The following UNC5C variants were observed in gnomAD, a reference collection of about 807,000 sequenced individuals.
UNC5C encodes netrin receptor UNC5C.
A neutral mutation model predicts 99.8 loss-of-function variants in UNC5C; 47 were observed. The observed-to-expected ratio is 0.47, with a 90% CI of 0.37 to 0.60. The LOEUF is 0.60. UNC5C is among the 20% of genes least tolerant of loss of function. UNC5C has a pLI of 0.00. For synonymous variants in UNC5C, 487 were observed against 452.2 expected (o/e 1.08, Z -0.98); for missense variants, 1,062 against 1,165.9 (o/e 0.91, Z 1.30).
chr4:95,285,837 T>A (rs931165243), intron 3 of UNC5C, among the ~76,000 whole-genome samples: 3 of 152,198 alleles, frequency 2.0e-5, no homozygotes, highest in African/African-American at 7.2e-5. Context: ...TAGTGGATCA[T>A]GATATCAACC....
At chr4:95,510,210 A>T (rs920197712) in intron 1 of UNC5C, among the ~76,000 whole-genome samples, 1 of 151,724 alleles carries the variant, frequency 6.6e-6, no homozygotes, top group Non-Finnish European at 1.5e-5. Context: ...TTTATTAGAC[A>T]TATGTTTATT....
intron 1 of UNC5C, among the ~76,000 whole-genome samples, chr4:95,354,479 A>ATATTTTTTTTT: frequency 9.1e-6 from 1 of 110,348 alleles, no homozygotes; most frequent in Non-Finnish European, 1.8e-5. Context: ...ATATATATAT[A>ATATTTTTTTTT]TTTTTTTTTT....
intron 12 of UNC5C, among the ~76,000 whole-genome samples, chr4:95,186,569 T>A (rs1242824929): frequency 2.0e-5 from 3 of 152,200 alleles, no homozygotes; most frequent in Non-Finnish European, 4.4e-5. Flanking sequence ...TCTGTCATCT[T>A]TTGGTGAGGC....
At chr4:95,270,158 C>T (rs534164425) in intron 4 of UNC5C, among the ~76,000 whole-genome samples, 158 of 152,308 alleles carry the variant, frequency 1.0e-3, no homozygotes, top group African/African-American at 3.7e-3. Context: ...ATCTCACCTT[C>T]CCTTGTAGGT....
At position 95,163,825 on chromosome 4, in the gene UNC5C, A is replaced by C. The variant is rs1346160442; in HGVS notation, c.*5409T>G. ...GATTCCCAACCTGGGATTCCAGAAG[A>C]TCTCTGGACAGGTCCCTTCAGTAGG... is the stretch of plus-strand genomic sequence containing the variant. On this transcript the variant is annotated 3_prime_UTR_variant, in exon 16 of 16. Transcript: ENST00000453304. 6.6e-6 allele frequency: 1 copy of C among 152,098 alleles called. No individual in the cohort carries two copies. Among genetic ancestry groups the C allele is most frequent in the East Asian group, 1.9e-4 (1 of 5,196 alleles). The allele number at this position is 152,098 out of a possible 1,614,324, so 9.4% of individuals were successfully genotyped here. A position where few individuals can be genotyped will look rare whatever the true frequency, so the allele number is the denominator to read the frequency against.
chr4:95,385,498 T>C (rs2149443329), intron 1 of UNC5C, among the ~76,000 whole-genome samples: 1 of 152,308 alleles, frequency 6.6e-6, no homozygotes, highest in Admixed American at 6.5e-5. Flanking sequence ...ATTCCAAGAT[T>C]CTACAATTAA....
chr4:95,439,089 T>C (rs570833462), intron 1 of UNC5C, among the ~76,000 whole-genome samples: 7 of 152,270 alleles, frequency 4.6e-5, no homozygotes, highest in African/African-American at 1.7e-4. Flanking sequence ...CCCTGTCATG[T>C]AGCAGGAAAA....
intron 4 of UNC5C, among the ~76,000 whole-genome samples, chr4:95,267,304 G>A (rs560622067): frequency 1.3e-5 from 2 of 152,178 alleles, no homozygotes; most frequent in Non-Finnish European, 2.9e-5. Flanking sequence ...TCTGACACTA[G>A]GAGTAGTAAT....
intron 1 of UNC5C, 51 bp from the exon 2 acceptor site, chr4:95,335,682 C>G: frequency 6.9e-7 from 1 of 1,441,364 alleles, no homozygotes; most frequent in Non-Finnish European, 9.4e-7. Flanking sequence ...TAACAACTTG[C>G]CTTCTACTTG....
chr4:95,379,749 C>T (rs1357605365), intron 1 of UNC5C, among the ~76,000 whole-genome samples: 1 of 152,106 alleles, frequency 6.6e-6, no homozygotes, highest in Non-Finnish European at 1.5e-5. Context: ...GGTAGATCAG[C>T]TCTCCGCAGC....
chr4:95,312,612 A>G (rs1228446483), intron 2 of UNC5C, among the ~76,000 whole-genome samples: 2 of 152,166 alleles, frequency 1.3e-5, no homozygotes, highest in African/African-American at 4.8e-5. Flanking sequence ...GCCAATAAGT[A>G]CCAAAATAAA....
At chr4:95,510,478 A>G (rs886375433) in intron 1 of UNC5C, among the ~76,000 whole-genome samples, 4 of 152,018 alleles carry the variant, frequency 2.6e-5, no homozygotes, top group African/African-American at 9.7e-5. Flanking sequence ...CCCACTGTGT[A>G]CCAGCCACTG....
chr4:95,307,827 G>A (rs528063795), intron 2 of UNC5C, among the ~76,000 whole-genome samples: 42 of 152,180 alleles, frequency 2.8e-4, no homozygotes, highest in Non-Finnish European at 4.7e-4. Context: ...TTTACAAATC[G>A]ATCAATGTAA....
At chr4:95,232,214 G>GTGT (rs1253252107) in intron 7 of UNC5C, among the ~76,000 whole-genome samples, 3 of 150,362 alleles carry the variant, frequency 2.0e-5, no homozygotes, top group Admixed American at 6.6e-5. Flanking sequence ...TTTTATATAA[G>GTGT]TGTTATATAA....
At position 95,363,377 on chromosome 4, in the gene UNC5C, C is replaced by A. The variant is rs145096218; in HGVS notation, c.125-27746G>T. Among the ~76,000 whole-genome samples the A allele has an allele frequency of 9.4e-3, 1,436 of 152,222 alleles. 9 individuals are homozygous for A. The highest frequency in any genetic ancestry group is 0.011 in the Non-Finnish European group (772 of 68,018). ...AGAGGTCTTCGGGCAGTGGGAGATT[C>A]ATTGAACATCAGATTAAGTTTTTGG... On this transcript the variant is annotated intron_variant, in intron 1 of 15. Transcript: ENST00000453304.
intron 1 of UNC5C, among the ~76,000 whole-genome samples, chr4:95,531,357 G>A (rs1722636962): frequency 6.6e-6 from 1 of 152,130 alleles, no homozygotes; most frequent in Non-Finnish European, 1.5e-5. Context: ...CAAGATTCAG[G>A]CTGCTTGATT....
At chr4:95,245,754 G>A (rs1363717669) in intron 5 of UNC5C, among the ~76,000 whole-genome samples, 2 of 152,120 alleles carry the variant, frequency 1.3e-5, no homozygotes, top group South Asian at 2.1e-4. Flanking sequence ...TGTGTATAAA[G>A]GCCAATTATG....
chr4:95,173,344 T>A (rs1364409182), intron 14 of UNC5C, among the ~76,000 whole-genome samples: 6 of 140,370 alleles, frequency 4.3e-5, no homozygotes, highest in African/African-American at 1.3e-4. Flanking sequence ...TGCTTCCAGT[T>A]TTTGCCCATT....
chr4:95,454,219 T>C (rs1747368348), intron 1 of UNC5C, among the ~76,000 whole-genome samples: 1 of 152,092 alleles, frequency 6.6e-6, no homozygotes, highest in Non-Finnish European at 1.5e-5. Flanking sequence ...TGTGGCAGTT[T>C]GAAATAGGCA....
Sources: allele counts gnomAD v4.1 joint callset (sites outside exome capture counted in the v4.1 genomes callset), GRCh38; gene constraint gnomAD v4.1.1; transcripts MANE v1.5; gene names NCBI Gene and HGNC (gene_info 2026-07-23, HGNC 2026-07-21).